Variants in ZNF385B observed in about 807,000 individuals in gnomAD.
ZNF385B encodes zinc finger protein 385B, also known as zinc finger protein 533.
A neutral mutation model predicts 39.2 loss-of-function variants in ZNF385B; 23 were observed. The observed-to-expected ratio is 0.59, with a 90% CI of 0.42 to 0.83. The LOEUF (loss-of-function observed/expected upper bound fraction) is 0.83, where lower values mean the gene tolerates loss of function less well. Among genes scored for constraint, ZNF385B ranks in the 40% least tolerant of loss-of-function variants. ZNF385B has a pLI of 0.00. For missense variants in ZNF385B, 552 were observed against 598.9 expected (o/e 0.92, Z 0.82); for synonymous variants, 205 against 222.6 (o/e 0.92, Z 0.70).
intron 1 of ZNF385B, among the ~76,000 whole-genome samples, chr2:179,795,891 A>G (rs1705632463): frequency 6.6e-6 from 1 of 152,194 alleles, no homozygotes; most frequent in African/African-American, 2.4e-5. Context: ...CAGCACCTAC[A>G]CACAGTGAGA....
chr2:179,698,688 C>G (rs1459828272), intron 3 of ZNF385B, among the ~76,000 whole-genome samples: 1 of 152,100 alleles, frequency 6.6e-6, no homozygotes, highest in Non-Finnish European at 1.5e-5. Flanking sequence ...ATAATAAAAG[C>G]ACTTTATTCT....
intron 3 of ZNF385B, among the ~76,000 whole-genome samples, chr2:179,574,904 T>C (rs1311366148): frequency 4.6e-5 from 7 of 152,160 alleles, no homozygotes; most frequent in Non-Finnish European, 1.0e-4. Flanking sequence ...CCTTCTAGGA[T>C]ATTTCTCTCT....
chr2:179,577,519 G>A (rs2106019787), intron 3 of ZNF385B, among the ~76,000 whole-genome samples: 1 of 152,022 alleles, frequency 6.6e-6, no homozygotes, highest in East Asian at 1.9e-4. Flanking sequence ...GAGAAACATT[G>A]CCCATGCATG....
intron 3 of ZNF385B, among the ~76,000 whole-genome samples, chr2:179,644,984 T>C (rs1244644563): frequency 2.0e-5 from 3 of 152,246 alleles, no homozygotes. Context: ...ATACATACTA[T>C]AATTTCCCAT....
chr2:179,847,287 ACT>A (rs1387557671), intron 1 of ZNF385B, among the ~76,000 whole-genome samples: 2 of 152,100 alleles, frequency 1.3e-5, no homozygotes, highest in African/African-American at 4.8e-5. Context: ...TATTTTGGTA[ACT>A]CTTCTTCCAA....
intron 5 of ZNF385B, among the ~76,000 whole-genome samples, chr2:179,495,523 C>T (rs539847919): frequency 6.6e-6 from 1 of 152,298 alleles, no homozygotes; most frequent in South Asian, 2.1e-4. Context: ...AGGCAGCAGC[C>T]ATGGAGTGGC....
intron 3 of ZNF385B, among the ~76,000 whole-genome samples, chr2:179,563,091 T>C (rs1435000003): frequency 6.6e-6 from 1 of 152,192 alleles, no homozygotes; most frequent in African/African-American, 2.4e-5. Flanking sequence ...TTGATGTTGA[T>C]AAAATTAATA....
In ZNF385B at chr2:179,668,484, A is replaced by G. The variant is rs115537858; in HGVS notation, c.298+101019T>C. 3.0e-3 allele frequency among the ~76,000 whole-genome samples: 451 copies of G among 152,208 alleles called. 1 individual carries two copies. Among genetic ancestry groups the G allele is most frequent in the African/African-American group, 0.01 (429 of 41,546 alleles). ...TGGGTTCCTCCTTTATTTCTATTTC[A>G]TTAGTCATTAACCCTCCTTAAGCTA... On this transcript the variant is annotated intron_variant, in intron 3 of 9. Transcript: ENST00000410066.
In ZNF385B at chr2:179,589,979, A is replaced by G. The variant is rs78916561; in HGVS notation, c.299-45010T>C. 2.8e-4 allele frequency among the ~76,000 whole-genome samples: 42 copies of G among 152,344 alleles called. 1 individual carries two copies. In the East Asian group the frequency reaches 7.3e-3, roughly 27 times the overall value. ...CGTCACCAAAGTGATAAAAATGACA[A>G]TGGGAAAAAATTTAGCATGGCATAG... is the stretch of plus-strand genomic sequence containing the variant. On this transcript the variant is annotated intron_variant, in intron 3 of 9. Coordinates refer to ENST00000410066, the MANE Select transcript of ZNF385B (RefSeq NM_152520.6).
chr2:179,503,326 T>C (rs569066906), intron 5 of ZNF385B, among the ~76,000 whole-genome samples: 1 of 152,308 alleles, frequency 6.6e-6, no homozygotes, highest in African/African-American at 2.4e-5. Context: ...AAGAAAGAAT[T>C]TGGACCAATA....
At chr2:179,445,502 C>CA in intron 8 of ZNF385B, 48 bp downstream of exon 8, 1 of 1,552,820 alleles carries the variant, frequency 6.4e-7, no homozygotes, top group Non-Finnish European at 8.7e-7. Flanking sequence ...GATACACAGT[C>CA]AAGTGGTGAC....
rs147734096 is a variant in ZNF385B, at chr2:179,543,115, C to T, written c.441+1712G>A. ...GGCGAAACCCTGTCTCTATTAAAAA[C>T]ACAAAAATTAGCCAGGTGTGGTGGC... On this transcript the variant is annotated intron_variant, in intron 4 of 9. Coordinates refer to ENST00000410066, the MANE Select transcript of ZNF385B (RefSeq NM_152520.6). 3.6e-3 allele frequency among the ~76,000 whole-genome samples: 549 copies of T among 151,958 alleles called. 4 individuals are homozygous for T. The highest frequency in any genetic ancestry group is 0.012 in the African/African-American group (508 of 41,456).
At chr2:179,809,309 G>A (rs993713931) in intron 1 of ZNF385B, among the ~76,000 whole-genome samples, 4 of 152,156 alleles carry the variant, frequency 2.6e-5, no homozygotes, top group African/African-American at 9.6e-5. Context: ...AAGAGTTTCA[G>A]TAAAACTCTC....
intron 5 of ZNF385B, among the ~76,000 whole-genome samples, chr2:179,496,540 C>T (rs1324906808): frequency 6.6e-6 from 1 of 152,076 alleles, no homozygotes; most frequent in Admixed American, 6.5e-5. Context: ...CCTCAAGGCA[C>T]TTAATAATCA....
chr2:179,491,265 A>G (rs1426123181), intron 5 of ZNF385B, among the ~76,000 whole-genome samples: 1 of 152,214 alleles, frequency 6.6e-6, no homozygotes, highest in Non-Finnish European at 1.5e-5. Context: ...CATTTAAATT[A>G]TATTACAATT....
chr2:179,808,809 C>T (rs1189102212), intron 1 of ZNF385B, among the ~76,000 whole-genome samples: 1 of 152,148 alleles, frequency 6.6e-6, no homozygotes, highest in Non-Finnish European at 1.5e-5. Context: ...ACAGCAATAA[C>T]ATTACAGCTT....
At chr2:179,754,222 T>C (rs2106474902) in intron 3 of ZNF385B, among the ~76,000 whole-genome samples, 1 of 152,350 alleles carries the variant, frequency 6.6e-6, no homozygotes, top group East Asian at 1.9e-4. Context: ...TCTGTTTATA[T>C]GCTGTATTAC....
intron 3 of ZNF385B, among the ~76,000 whole-genome samples, chr2:179,769,078 T>C (rs961798341): frequency 1.3e-5 from 2 of 152,232 alleles, no homozygotes; most frequent in African/African-American, 4.8e-5. Flanking sequence ...CAGGATGTTA[T>C]AAATAAAGCT....
At chr2:179,546,253 T>G (rs1295002311) in intron 3 of ZNF385B, among the ~76,000 whole-genome samples, 1 of 151,968 alleles carries the variant, frequency 6.6e-6, no homozygotes, top group African/African-American at 2.4e-5. Flanking sequence ...CCCACGCTGG[T>G]CTCGAACTCC....
Sources: gnomAD v4.1 joint callset for allele counts (sites outside exome capture counted in the v4.1 genomes callset) on GRCh38, gnomAD v4.1.1 for gene constraint, MANE v1.5 for transcripts, NCBI Gene and HGNC (gene_info 2026-07-23, HGNC 2026-07-21) for gene names.